Variants in LRRK1 observed in about 807,000 individuals in gnomAD.
LRRK1 encodes the protein leucine rich repeat kinase 1, also known as leucine-rich repeat serine/threonine-protein kinase 1.
LRRK1 carries 113 observed loss-of-function variants against 209.1 expected under a neutral mutation model. That is an observed-to-expected ratio of 0.54 (90% CI 0.46 to 0.63). The LOEUF (loss-of-function observed/expected upper bound fraction) is 0.63, where lower values mean the gene tolerates loss of function less well. Among genes scored for constraint, LRRK1 ranks in the 30% least tolerant of loss-of-function variants. The probability of loss-of-function intolerance (pLI) is 0.00; values close to 1 mark genes in which losing one functional copy is unlikely to be tolerated. For synonymous variants in LRRK1, 1,144 were observed against 1,099.7 expected, an observed-to-expected ratio of 1.04 and a Z score of -0.80; for missense variants, 2,284 against 2,632.2, an observed-to-expected ratio of 0.87 and a Z score of 2.89.
chr15:100,948,173 T>C (rs1300877869), intron 2 of LRRK1, among the ~76,000 whole-genome samples: 1 of 152,236 alleles, frequency 6.6e-6, no homozygotes, highest in African/African-American at 2.4e-5. Context: ...TGTCTTGTTA[T>C]GCATGTAGGT....
intron 21 of LRRK1, among the ~76,000 whole-genome samples, chr15:101,046,729 C>A (rs2035099699): frequency 6.6e-6 from 1 of 152,210 alleles, no homozygotes; most frequent in Non-Finnish European, 1.5e-5. Flanking sequence ...CCAGGCGAGT[C>A]CCCTGTGCAG....
rs1266034507 is a variant in LRRK1, at chr15:101,066,818, A to G, written c.5870+77A>G. 6.8e-6 allele frequency: 8 copies of G among 1,184,484 alleles called. No individual in the cohort carries two copies. The South Asian group carries it at 8.8e-5, about 13-fold the overall frequency. The allele number at this position is 1,184,484 out of a possible 1,614,324, so 73.4% of individuals were successfully genotyped here. ...AAGGCCCTGCAGCCAGGTCCTGCAC[A>G]GTGGCTTTGCTGCCCTTCCATTCTC... On this transcript the variant is annotated intron_variant, in intron 33 of 33. Transcript: ENST00000388948.
intron 2 of LRRK1, among the ~76,000 whole-genome samples, chr15:100,942,221 C>T (rs1187234553): frequency 6.6e-6 from 1 of 152,110 alleles, no homozygotes; most frequent in Non-Finnish European, 1.5e-5. Context: ...CGGAAGGAAC[C>T]GGGTTCAAAT....
At chr15:101,065,195 G>GC (rs2036458484) in intron 31 of LRRK1, 157 bp from the exon 32 acceptor site, 2 of 755,222 alleles carry the variant, frequency 2.6e-6, no homozygotes, top group Non-Finnish European at 4.3e-6. Flanking sequence ...TTTAGGAGTA[G>GC]CCCCGGCCTT....
intron 2 of LRRK1, among the ~76,000 whole-genome samples, chr15:100,933,352 C>T (rs1190057406): frequency 2.0e-5 from 3 of 152,122 alleles, no homozygotes; most frequent in Non-Finnish European, 4.4e-5. Context: ...ACTGGGTGGG[C>T]CAAGCATGTA....
chr15:101,038,390 A>G (rs2034584545), intron 20 of LRRK1, among the ~76,000 whole-genome samples: 1 of 152,186 alleles, frequency 6.6e-6, no homozygotes, highest in African/African-American at 2.4e-5. Context: ...AAATATAAAT[A>G]AATTGCCTCC....
chr15:101,020,369 CTTTTTTT>C (rs1258764876), intron 12 of LRRK1, among the ~76,000 whole-genome samples: 14 of 98,466 alleles, frequency 1.4e-4, no homozygotes, highest in Admixed American at 8.8e-4. Context: ...CGGTTCTGAA[CTTTTTTT>C]TTTTTTTTTT....
chr15:101,010,877 T>A, intron 9 of LRRK1, 40 bp downstream of exon 9: 1 of 1,584,502 alleles, frequency 6.3e-7, no homozygotes, highest in South Asian at 1.1e-5. Context: ...CACAGTCAAC[T>A]CTGCCTCTCA....
chr15:101,021,550 C>G (rs1025565484), intron 13 of LRRK1, among the ~76,000 whole-genome samples: 1 of 151,996 alleles, frequency 6.6e-6, no homozygotes, highest in Non-Finnish European at 1.5e-5. Flanking sequence ...ATCGCCTTCT[C>G]GGGAAGAGGT....
chr15:100,950,431 T>C (rs2042622590), intron 2 of LRRK1, among the ~76,000 whole-genome samples: 1 of 152,214 alleles, frequency 6.6e-6, no homozygotes, highest in Admixed American at 6.5e-5. Context: ...AATTGACTTA[T>C]GCATTCAATG....
At chr15:100,946,431 C>T (rs1046284360) in intron 2 of LRRK1, among the ~76,000 whole-genome samples, 2 of 152,070 alleles carry the variant, frequency 1.3e-5, no homozygotes, top group Non-Finnish European at 2.9e-5. Flanking sequence ...AACAGTGTGG[C>T]AATCTGAAAA....
chr15:100,944,928 T>G (rs1422234850), intron 2 of LRRK1, among the ~76,000 whole-genome samples: 2 of 152,234 alleles, frequency 1.3e-5, no homozygotes, highest in East Asian at 3.8e-4. Context: ...GAGTCTGATT[T>G]TTCCCCTCTT....
chr15:101,074,324 T>C lies in LRRK1; in HGVS notation c.*5476T>C, dbSNP rs2036907539. ...CTCACACCCGGTCCGGCTTACAGTT[T>C]CCTTCCGTGACTAGCCCTCCCCTAC... On this transcript the variant is annotated 3_prime_UTR_variant, in exon 34 of 34. Transcript: ENST00000388948. 3 of 152,246 alleles carry C rather than the reference T, an allele frequency of 2.0e-5. No homozygotes were observed. The South Asian group carries it at 6.2e-4, about 32-fold the overall frequency. 9.4% of individuals were successfully genotyped at this position (152,246 alleles called of 1,614,324 possible). A position where few individuals can be genotyped will look rare whatever the true frequency, so the allele number is the denominator to read the frequency against.
At chr15:100,962,456 G>A (rs1311257183) in intron 2 of LRRK1, among the ~76,000 whole-genome samples, 2 of 151,948 alleles carry the variant, frequency 1.3e-5, no homozygotes, top group Non-Finnish European at 2.9e-5. Context: ...CTTGAACCTG[G>A]GAGGCAGAGG....
rs148264964 is a variant in LRRK1, at chr15:101,073,288, C to T, written c.*4440C>T. 8,527 of 152,394 alleles carry T rather than the reference C, an allele frequency of 0.056. 297 individuals carry two copies. The highest frequency in any genetic ancestry group is 0.11 in the Middle Eastern group (31 of 294). The allele number at this position is 152,394 out of a possible 1,614,324, so 9.4% of individuals were successfully genotyped here. ...GGTCACGGACTGGGAAGGCAGCCTT[C>T]CCTTGGTGTTTAATCATTGCAGGGA... On this transcript the variant is annotated 3_prime_UTR_variant, in exon 34 of 34. Coordinates refer to ENST00000388948, the MANE Select transcript of LRRK1 (RefSeq NM_024652.6).
chr15:100,973,540 C>T (rs1443318387), intron 2 of LRRK1, among the ~76,000 whole-genome samples: 1 of 152,156 alleles, frequency 6.6e-6, no homozygotes, highest in Admixed American at 6.5e-5. Flanking sequence ...GTCCCCGGTG[C>T]CCTGGAAGGG....
intron 12 of LRRK1, 104 bp from the exon 13 acceptor site, chr15:101,020,949 A>C: frequency 7.6e-7 from 1 of 1,321,826 alleles, no homozygotes; most frequent in Non-Finnish European, 1.1e-6. Flanking sequence ...GGCTTGCCAA[A>C]ATGCCCTCTG....
intron 6 of LRRK1, 55 bp from the exon 7 acceptor site, chr15:101,008,781 CA>C: frequency 7.5e-7 from 1 of 1,332,226 alleles, no homozygotes; most frequent in South Asian, 1.2e-5. Context: ...ATTCCAAGCC[CA>C]TGTGGGCCCT....
intron 2 of LRRK1, among the ~76,000 whole-genome samples, chr15:100,941,220 G>A (rs1013352760): frequency 1.3e-5 from 2 of 150,832 alleles, no homozygotes; most frequent in African/African-American, 4.9e-5. Flanking sequence ...GTCTGTATGT[G>A]TCTGTGTGTG....
Sources: allele counts gnomAD v4.1 joint callset (sites outside exome capture counted in the v4.1 genomes callset), GRCh38; gene constraint gnomAD v4.1.1; transcripts MANE v1.5; gene names NCBI Gene and HGNC (gene_info 2026-07-23, HGNC 2026-07-21).